SAFB: variants seen among roughly 807,000 people sequenced by gnomAD.
SAFB encodes the protein scaffold attachment factor B1.
In SAFB, 15 loss-of-function variants were observed where a neutral mutation model predicts 101.6. The ratio of observed to expected loss-of-function variants is 0.15; its 90% confidence interval spans 0.10 to 0.23. The LOEUF (loss-of-function observed/expected upper bound fraction) is 0.23. Among genes scored for constraint, SAFB ranks in the 10% least tolerant of loss-of-function variants. The pLI, the probability that SAFB is intolerant of heterozygous loss-of-function variation, is 1.00. For synonymous variants in SAFB, 449 were observed against 407.5 expected, an observed-to-expected ratio of 1.10 and a Z score of -1.23; for missense variants, 930 against 1,104.1, an observed-to-expected ratio of 0.84 and a Z score of 2.23.
intron 11 of SAFB, 106 bp downstream of exon 11, chr19:5,653,526 G>C: frequency 2.1e-6 from 2 of 952,314 alleles, no homozygotes; most frequent in Non-Finnish European, 3.2e-6. Flanking sequence ...GAGTGCAGTG[G>C]TGTGATCTCG....
At chr19:5,652,237 G>A (rs987461246) in intron 9 of SAFB, among the ~76,000 whole-genome samples, 2 of 152,008 alleles carry the variant, frequency 1.3e-5, no homozygotes, top group African/African-American at 2.4e-5. Context: ...TCATTATTAC[G>A]GACATAACTA....
chr19:5,635,131 T>TC (rs2053569168), intron 2 of SAFB, among the ~76,000 whole-genome samples: 1 of 152,062 alleles, frequency 6.6e-6, no homozygotes, highest in East Asian at 1.9e-4. Context: ...AGAGCGAAAC[T>TC]CCATCTCAAA....
intron 2 of SAFB, among the ~76,000 whole-genome samples, chr19:5,640,055 T>C (rs2053673592): frequency 6.6e-6 from 1 of 152,106 alleles, no homozygotes; most frequent in African/African-American, 2.4e-5. Flanking sequence ...GGTTTCTCCA[T>C]GTCAGTCAGG....
chr19:5,649,867 T>A, intron 7 of SAFB, 59 bp from the exon 8 acceptor site: 1 of 1,497,290 alleles, frequency 6.7e-7, no homozygotes, highest in South Asian at 1.1e-5. Context: ...ATTTTATGGT[T>A]TTGAGTTTGT....
intron 2 of SAFB, among the ~76,000 whole-genome samples, chr19:5,627,401 A>G (rs1396341005): frequency 6.6e-6 from 1 of 152,114 alleles, no homozygotes; most frequent in East Asian, 1.9e-4. Context: ...CCAGGAGTTC[A>G]GGGTTGCACT....
intron 8 of SAFB, among the ~76,000 whole-genome samples, chr19:5,650,519 C>G (rs1016765035): frequency 1.2e-4 from 19 of 152,172 alleles, no homozygotes; most frequent in African/African-American, 4.3e-4. Flanking sequence ...TCTAGAGATT[C>G]TCCTGCCTCA....
intron 2 of SAFB, among the ~76,000 whole-genome samples, chr19:5,627,706 C>T (rs1389498052): frequency 6.6e-6 from 1 of 152,120 alleles, no homozygotes; most frequent in Non-Finnish European, 1.5e-5. Context: ...CTTCGCTCCG[C>T]CCACCCTTCC....
chr19:5,639,156 A>T (rs2053653446), intron 2 of SAFB, among the ~76,000 whole-genome samples: 1 of 152,256 alleles, frequency 6.6e-6, no homozygotes. Context: ...GCGGAAGCCA[A>T]CATTTCAAAT....
At chr19:5,654,942 TA>T (rs2054020804) in intron 13 of SAFB, among the ~76,000 whole-genome samples, 1 of 152,256 alleles carries the variant, frequency 6.6e-6, no homozygotes. Context: ...ACTTATTTTC[TA>T]AAGCTAACTT....
chr19:5,636,391 C>T (rs2053596739), intron 2 of SAFB, among the ~76,000 whole-genome samples: 1 of 152,048 alleles, frequency 6.6e-6, no homozygotes, highest in Admixed American at 6.6e-5. Flanking sequence ...TTTACAGAGA[C>T]CACTGGGTTG....
chr19:5,645,204 T>A, intron 4 of SAFB, 133 bp from the exon 5 acceptor site: 4 of 555,316 alleles, frequency 7.2e-6, no homozygotes, highest in Non-Finnish European at 6.5e-6. Context: ...TAATAGTGTT[T>A]TGATTTCTGC....
intron 15 of SAFB, among the ~76,000 whole-genome samples, chr19:5,662,746 T>A (rs992761489): frequency 1.3e-5 from 2 of 150,378 alleles, no homozygotes; most frequent in African/African-American, 2.4e-5. Flanking sequence ...GTTCAAGCGA[T>A]TCTCCTGCCT....
At position 5,642,763 on chromosome 19, in the gene SAFB, A is replaced by G. The variant is rs182215123; in HGVS notation, c.546+817A>G. Reference sequence around the variant, plus strand: ...CTGCAACCTCTGCCCCCTGGGTTCAAGTGATCTCCTCCCTCAGCCTCCCAA... The same window carrying G: ...CTGCAACCTCTGCCCCCTGGGTTCAGGTGATCTCCTCCCTCAGCCTCCCAA... On this transcript the variant is annotated intron_variant, in intron 4 of 20. Coordinates refer to ENST00000588852, the MANE Select transcript of SAFB (RefSeq NM_001201338.2). 6.5e-3 allele frequency among the ~76,000 whole-genome samples: 949 copies of G among 145,258 alleles called. 8 individuals are homozygous for G. The highest frequency in any genetic ancestry group is 0.011 in the Middle Eastern group (3 of 264).
chr19:5,668,369 A>G lies in SAFB; in HGVS notation c.*78A>G, dbSNP rs1355318329. On this transcript the variant is annotated 3_prime_UTR_variant, in exon 21 of 21. Coordinates refer to ENST00000588852, the MANE Select transcript of SAFB (RefSeq NM_001201338.2). Reference sequence around the variant, plus strand: ...GAGTTACCTTAAACTGTGTAAAAATATTTTTTTTTAATCTGCTGCCATATT... The same window carrying G: ...GAGTTACCTTAAACTGTGTAAAAATGTTTTTTTTTAATCTGCTGCCATATT... The G allele has an allele frequency of 4.1e-6, 6 of 1,459,952 alleles. No homozygotes were observed. Among genetic ancestry groups the G allele is most frequent in the East Asian group, 2.6e-5 (1 of 38,158 alleles). 90.4% of individuals were successfully genotyped at this position (1,459,952 alleles called of 1,614,324 possible). A position where few individuals can be genotyped will look rare whatever the true frequency, so the allele number is the denominator to read the frequency against.
rs11542075 is a variant in SAFB, at chr19:5,654,152, G to C, written c.1618G>C (p.Asp540His). Residue 540 changes from aspartate (D) to histidine (H), a missense_variant, in exon 12 of 21, where the codon GAT becomes CAT. Coordinates refer to ENST00000588852, the MANE Select transcript of SAFB (RefSeq NM_001201338.2). ...AAGTGGAGAAAAGAGTAAGGACCAA[G>C]ATGATCAGAAACCTGGCCCCTCAGA... ...DGSGEKSKDQDDQKPGPSERS... is the reference protein window; with the variant it reads ...DGSGEKSKDQHDQKPGPSERS... 1.2e-6 allele frequency: 2 copies of C among 1,614,094 alleles called. No individual in the cohort carries two copies. Among genetic ancestry groups the C allele is most frequent in the African/African-American group, 2.7e-5 (2 of 74,928 alleles).
Position 5,664,159 on chromosome 19 carries a change from G to A in SAFB, c.2291G>A (p.Arg764Lys). Residue 764 changes from arginine to lysine, a missense_variant and splice_region_variant, in exon 16 of 21, where the codon AGG becomes AAG. Arg to Lys is a conservative substitution (Grantham distance 26, BLOSUM62 2). Around this residue, in one of 7 missense-constraint regions of SAFB, gnomAD observed 318 missense variants for 342.6 expected, o/e 0.93. Transcript: ENST00000588852. ...CGCTACCCCGACCACTCGGTGGACA[G>A]GTCAGTTGGGCCCCTGCTGGGCGTG... ...RGRYPDHSVD[R>K]REGSRSMMGE... 1 of 1,613,378 alleles carries A rather than the reference G, an allele frequency of 6.2e-7. No individual in the cohort carries two copies. Among genetic ancestry groups the A allele is most frequent in the African/African-American group, 1.3e-5 (1 of 75,056 alleles).
intron 2 of SAFB, 93 bp downstream of exon 2, chr19:5,626,582 G>A: frequency 1.3e-6 from 1 of 767,610 alleles, no homozygotes; most frequent in Admixed American, 2.2e-5. Context: ...CTGTGTGTTG[G>A]ACTTGTGAAC....
At chr19:5,652,481 A>G (rs1416496397) in intron 9 of SAFB, among the ~76,000 whole-genome samples, 3 of 152,206 alleles carry the variant, frequency 2.0e-5, no homozygotes, top group Non-Finnish European at 2.9e-5. Context: ...TCCATGTGGC[A>G]TGATGAGCAT....
At position 5,667,252 on chromosome 19, in the gene SAFB, AAC is replaced by A. The variant is rs1473503582; in HGVS notation, c.2454-91_2454-90del. The A allele has an allele frequency of 1.5e-5, 19 of 1,252,900 alleles. No homozygotes were observed. Among genetic ancestry groups the A allele is most frequent in the Non-Finnish European group, 1.9e-5 (17 of 910,390 alleles). The allele number at this position is 1,252,900 out of a possible 1,614,324, so 77.6% of individuals were successfully genotyped here. A position where few individuals can be genotyped will look rare whatever the true frequency, so the allele number is the denominator to read the frequency against. ...GCTGGGATGTGGGCACAGGGTGGGA[AAC>A]ACAGAGGGATTCACTCTCCAGAAGC... On this transcript the variant is annotated intron_variant, in intron 18 of 20. Transcript: ENST00000588852. This position sits in a 1 kb window ranked among gnomAD's most constrained non-coding sequence, Gnocchi z 4.0.
Sources: gnomAD v4.1 joint callset for allele counts (sites outside exome capture counted in the v4.1 genomes callset) on GRCh38, gnomAD v4.1.1 for gene constraint, gnomAD v4.1.1 regional missense constraint, Gnocchi (gnomAD v3.1) non-coding constraint, MANE v1.5 for transcripts, NCBI Gene and HGNC (gene_info 2026-07-23, HGNC 2026-07-21) for gene names.